MAPKAPK2: variants seen among roughly 807,000 people sequenced by gnomAD.
The protein encoded by MAPKAPK2 is MAP kinase-activated protein kinase 2.
A neutral mutation model predicts 48.8 loss-of-function variants in MAPKAPK2; 9 were observed. The ratio of observed to expected loss-of-function variants is 0.18; its 90% confidence interval spans 0.11 to 0.32. The LOEUF is 0.32. Among genes scored for constraint, MAPKAPK2 ranks in the 10% least tolerant of loss-of-function variants. The pLI is 1.00. For synonymous variants in MAPKAPK2, 202 were observed against 190.6 expected (o/e 1.06, Z -0.49); for missense variants, 331 against 498.3 (o/e 0.66, Z 3.20).
rs55712453 is a variant in MAPKAPK2 at position 206,729,092 on chromosome 1, A to G, written c.477A>G (p.Thr159=). The G allele has an allele frequency of 0.011, 18,333 of 1,614,120 alleles. 135 individuals carry two copies. Among genetic ancestry groups the G allele is most frequent in the Middle Eastern group, 0.025 (152 of 6,062 alleles). Residue 159 remains threonine, a synonymous_variant, in exon 3 of 10, where the codon ACA becomes ACG. Coordinates refer to ENST00000367103, the MANE Select transcript of MAPKAPK2 (RefSeq NM_032960.4). ...RIQDRGDQAF[T]EREASEIMKS... is the part of the protein sequence containing the mutation. Reference sequence around the variant, plus strand: ...AGGATCGAGGAGACCAGGCATTCACAGAAAGAGGTAGAAAGGGTCTGTTGT... The same window carrying G: ...AGGATCGAGGAGACCAGGCATTCACGGAAAGAGGTAGAAAGGGTCTGTTGT...
rs572250272 is a variant in MAPKAPK2 at position 206,730,344 on chromosome 1, G to A, written c.691+246G>A. 7.9e-5 allele frequency among the ~76,000 whole-genome samples: 12 copies of A among 152,356 alleles called. No homozygotes were observed. The East Asian group carries it at 2.3e-3, about 29-fold the overall frequency. ...CCATGGTTTCCATCAGATTCTCCATGGAGTCTGGACCCAGGTCTTGTTCTG... is the reference window on the plus strand; with the variant it reads ...CCATGGTTTCCATCAGATTCTCCATAGAGTCTGGACCCAGGTCTTGTTCTG... On this transcript the variant is annotated intron_variant, in intron 5 of 9. Transcript: ENST00000367103.
Position 206,731,590 on chromosome 1 carries a change from C to T in MAPKAPK2, c.893-50C>T. 6.8e-7 allele frequency: 1 copy of T among 1,464,820 alleles called. No homozygotes were observed. Among genetic ancestry groups the T allele is most frequent in the Non-Finnish European group, 9.6e-7 (1 of 1,044,078 alleles). 90.7% of individuals were successfully genotyped at this position (1,464,820 alleles called of 1,614,324 possible). On this transcript the variant is annotated intron_variant, in intron 7 of 9. Coordinates refer to ENST00000367103, the MANE Select transcript of MAPKAPK2 (RefSeq NM_032960.4). This position sits in a 1 kb window ranked among gnomAD's most constrained non-coding sequence, Gnocchi z 5.9. Reference sequence around the variant, plus strand: ...CATGAAAACTGGGGAAAGGAGCAGGCCAGGGAGAGTGACCCCTGAGCTGTC... The same window carrying T: ...CATGAAAACTGGGGAAAGGAGCAGGTCAGGGAGAGTGACCCCTGAGCTGTC...
intron 1 of MAPKAPK2, among the ~76,000 whole-genome samples, chr1:206,711,321 C>T (rs1673132969): frequency 6.6e-6 from 1 of 152,216 alleles, no homozygotes; most frequent in South Asian, 2.1e-4. Flanking sequence ...GCTATCTCAG[C>T]CCACTGCAAC....
chr1:206,715,973 C>T (rs1364819253), intron 1 of MAPKAPK2, among the ~76,000 whole-genome samples: 1 of 151,252 alleles, frequency 6.6e-6, no homozygotes, highest in Non-Finnish European at 1.5e-5. Context: ...TTTTTGAAGT[C>T]TAGGCTAAAC....
rs1673942751 is a variant in MAPKAPK2, at chr1:206,732,325, C to T, written c.1060-250C>T. Reference sequence around the variant, plus strand: ...CTGGCCCAAGTCTCTTCCTCCTATCCTGCGGGATCACTGGGGGGCTCTCAG... The same window carrying T: ...CTGGCCCAAGTCTCTTCCTCCTATCTTGCGGGATCACTGGGGGGCTCTCAG... On this transcript the variant is annotated intron_variant, in intron 9 of 9. Coordinates refer to ENST00000367103, the MANE Select transcript of MAPKAPK2 (RefSeq NM_032960.4). The surrounding 1 kb of genome is among the most constrained non-coding windows in gnomAD (Gnocchi z 4.4). 6.9e-7 allele frequency: 1 copy of T among 1,444,314 alleles called. No homozygotes were observed. Among genetic ancestry groups the T allele is most frequent in the African/African-American group, 1.4e-5 (1 of 69,886 alleles). 89.5% of individuals were successfully genotyped at this position (1,444,314 alleles called of 1,614,324 possible).
At chr1:206,729,170 G>A (rs1336266045) in intron 3 of MAPKAPK2, 71 bp downstream of exon 3, 13 of 1,502,368 alleles carry the variant, frequency 8.7e-6, no homozygotes, top group Non-Finnish European at 1.2e-5. Context: ...GGCCTTTGCA[G>A]TGCCTGCTCT....
chr1:206,685,635 G>GGGCGT, intron 1 of MAPKAPK2, 127 bp downstream of exon 1: 1 of 683,070 alleles, frequency 1.5e-6, no homozygotes, highest in Non-Finnish European at 1.8e-6. Context: ...GGGCGGGGCG[G>GGGCGT]GGCGGCCGGG....
chr1:206,730,157 C>T (rs781799760), intron 5 of MAPKAPK2, 59 bp downstream of exon 5: 1 of 1,604,428 alleles, frequency 6.2e-7, no homozygotes, highest in Non-Finnish European at 8.5e-7. Context: ...TCAGCCCCTC[C>T]TCTTGGCTAT....
At position 206,707,660 on chromosome 1, in the gene MAPKAPK2, A is replaced by G. The variant is rs542291644; in HGVS notation, c.280-21050A>G. The stretch of plus-strand genomic sequence containing the variant: ...CGCCAAGATGCCTAAGGTGGGGAAC[A>G]TGTTGGCTCCACTCAGATTCTGTGC... On this transcript the variant is annotated intron_variant, in intron 1 of 9. Transcript: ENST00000367103. 3.3e-5 allele frequency among the ~76,000 whole-genome samples: 5 copies of G among 152,228 alleles called. No homozygotes were observed. The East Asian group carries it at 9.7e-4, about 29-fold the overall frequency.
chr1:206,710,322 G>A (rs1359039043), intron 1 of MAPKAPK2, among the ~76,000 whole-genome samples: 1 of 152,226 alleles, frequency 6.6e-6, no homozygotes, highest in East Asian at 1.9e-4. Flanking sequence ...GTCTTTTGGT[G>A]ATTGGTCACT....
chr1:206,693,857 C>T (rs61434251), intron 1 of MAPKAPK2, among the ~76,000 whole-genome samples: 8,246 of 152,256 alleles, frequency 0.054, 517 homozygotes, highest in African/African-American at 0.16. Flanking sequence ...ATAACTGGGC[C>T]CTGGCTCTCA....
At chr1:206,692,464 G>C (rs1672491528) in intron 1 of MAPKAPK2, among the ~76,000 whole-genome samples, 1 of 152,226 alleles carries the variant, frequency 6.6e-6, no homozygotes, top group Admixed American at 6.5e-5. Flanking sequence ...TGCAAGGCTA[G>C]AGCAGCTGTT....
intron 1 of MAPKAPK2, among the ~76,000 whole-genome samples, chr1:206,722,113 C>T (rs1199831918): frequency 2.1e-4 from 32 of 150,764 alleles, no homozygotes; most frequent in Non-Finnish European, 3.2e-4. Context: ...GTAATCCCAG[C>T]ACTTTGGGAG....
At position 206,732,178 on chromosome 1, in the gene MAPKAPK2, CAT is replaced by C; in HGVS notation, c.1059+260_1059+261del. 1 of 1,594,884 alleles carries C rather than the reference CAT, an allele frequency of 6.3e-7. No individual in the cohort carries two copies. Among genetic ancestry groups the C allele is most frequent in the Non-Finnish European group, 8.6e-7 (1 of 1,165,508 alleles). On this transcript the variant is annotated intron_variant, in intron 9 of 9. Coordinates refer to ENST00000367103, the MANE Select transcript of MAPKAPK2 (RefSeq NM_032960.4). This position sits in a 1 kb window ranked among gnomAD's most constrained non-coding sequence, Gnocchi z 4.4. ...GGGTCTCTAATGGGACCTTAAAGAC[CAT>C]CTGGTATCATCTTCTCATTTTGCAG...
intron 1 of MAPKAPK2, among the ~76,000 whole-genome samples, chr1:206,695,232 G>C (rs979190472): frequency 3.9e-5 from 6 of 152,162 alleles, no homozygotes; most frequent in Non-Finnish European, 7.4e-5. Context: ...AGAGTAGTAG[G>C]GGGTGGGATG....
intron 6 of MAPKAPK2, 139 bp from the exon 7 acceptor site, chr1:206,730,999 A>T: frequency 7.9e-7 from 1 of 1,257,944 alleles, no homozygotes; most frequent in Non-Finnish European, 1.1e-6. Context: ...TTGACTTTGT[A>T]TATTGTGCCT....
Position 206,732,247 on chromosome 1 carries a change from G to A in MAPKAPK2, c.1059+328G>A. 2 of 1,488,144 alleles carry A rather than the reference G, an allele frequency of 1.3e-6. No homozygotes were observed. Among genetic ancestry groups the A allele is most frequent in the Non-Finnish European group, 9.0e-7 (1 of 1,115,574 alleles). 92.2% of individuals were successfully genotyped at this position (1,488,144 alleles called of 1,614,324 possible). A position where few individuals can be genotyped will look rare whatever the true frequency, so the allele number is the denominator to read the frequency against. On this transcript the variant is annotated intron_variant, in intron 9 of 9. Coordinates refer to ENST00000367103, the MANE Select transcript of MAPKAPK2 (RefSeq NM_032960.4). The surrounding 1 kb of genome is among the most constrained non-coding windows in gnomAD (Gnocchi z 4.4). Reference sequence around the variant, plus strand: ...CAGAGGCGGAGGGCAGTCTGCTCAAGGTCACGCAGCTGGTGACTGGTTGGG... The same window carrying A: ...CAGAGGCGGAGGGCAGTCTGCTCAAAGTCACGCAGCTGGTGACTGGTTGGG...
chr1:206,726,575 T>C (rs1316375694), intron 1 of MAPKAPK2, among the ~76,000 whole-genome samples: 5 of 152,236 alleles, frequency 3.3e-5, no homozygotes, highest in Non-Finnish European at 5.9e-5. Flanking sequence ...AGTCACCTGT[T>C]TGGGGAATTG....
chr1:206,685,341 CCG>C lies in MAPKAPK2; in HGVS notation c.114_115del (p.Pro40AlafsTer22). On this transcript the variant is annotated frameshift_variant, in exon 1 of 10. Coordinates refer to ENST00000367103, the MANE Select transcript of MAPKAPK2 (RefSeq NM_032960.4). LOFTEE classifies it high-confidence loss of function. The stretch of plus-strand genomic sequence containing the variant: ...GCACCCCCCGGCGCAGCCGCCGCCG[CCG>C]CCCCCGCAGCAGTTCCCGCAGTTCC... ...LPHPPAQPPP[P>X]PPQQFPQFHV... The C allele has an allele frequency of 6.7e-7, 1 of 1,481,580 alleles. No homozygotes were observed. The highest frequency in any genetic ancestry group is 9.0e-7 in the Non-Finnish European group (1 of 1,107,438). 91.8% of individuals were successfully genotyped at this position (1,481,580 alleles called of 1,614,324 possible).
Sources: allele counts gnomAD v4.1 joint callset (sites outside exome capture counted in the v4.1 genomes callset), GRCh38; gene constraint gnomAD v4.1.1; non-coding constraint Gnocchi (gnomAD v3.1); transcripts MANE v1.5; gene names NCBI Gene and HGNC (gene_info 2026-07-23, HGNC 2026-07-21).